The following IGSF11 variants were observed in gnomAD, a reference collection of about 807,000 sequenced individuals.
IGSF11 encodes CXADR like 1.
Under a neutral mutation model 41.0 loss-of-function variants are expected in IGSF11, and 22 were observed. The observed-to-expected ratio is 0.54, with a 90% CI of 0.38 to 0.77. The LOEUF is 0.77. IGSF11 is among the 30% of genes least tolerant of loss of function. The pLI is 0.00. For missense variants in IGSF11, 444 were observed against 530.8 expected (o/e 0.84, Z 1.61); for synonymous variants, 219 against 201.3 (o/e 1.09, Z -0.74).
chr3:119,075,656 T>G (rs1308187376), intron 1 of IGSF11, among the ~76,000 whole-genome samples: 7 of 152,212 alleles, frequency 4.6e-5, no homozygotes, highest in Non-Finnish European at 1.0e-4. Context: ...ATTCCTGGGA[T>G]GCAAGATTGG....
chr3:119,101,339 GT>G (rs905897639), intron 1 of IGSF11, among the ~76,000 whole-genome samples: 3 of 152,024 alleles, frequency 2.0e-5, no homozygotes, highest in African/African-American at 7.2e-5. Context: ...GAGAAACCCT[GT>G]CTCTACTAAA....
chr3:119,130,822 C>T (rs1035463770), intron 1 of IGSF11, among the ~76,000 whole-genome samples: 35 of 152,124 alleles, frequency 2.3e-4, no homozygotes, highest in African/African-American at 7.7e-4. Context: ...CCCTCTGGGA[C>T]GAAGCTTCCA....
intron 1 of IGSF11, among the ~76,000 whole-genome samples, chr3:118,951,846 T>C (rs1486407229): frequency 1.3e-5 from 2 of 152,166 alleles, no homozygotes; most frequent in African/African-American, 2.4e-5. Flanking sequence ...TTGTTTCTAT[T>C]TGTATGTTTT....
intron 1 of IGSF11, among the ~76,000 whole-genome samples, chr3:119,095,827 A>C (rs2076840540): frequency 6.6e-6 from 1 of 152,202 alleles, no homozygotes. Context: ...TCAAGGTTGC[A>C]TACTGCAAAC....
intron 1 of IGSF11, among the ~76,000 whole-genome samples, chr3:119,028,630 A>C (rs570598678): frequency 6.6e-5 from 10 of 152,200 alleles, no homozygotes; most frequent in Non-Finnish European, 1.0e-4. Flanking sequence ...ATTAAACATA[A>C]GCTAAAAATC....
chr3:118,943,215 A>G (rs990727121), intron 1 of IGSF11: 1 of 152,190 alleles, frequency 6.6e-6, no homozygotes, highest in Non-Finnish European at 1.5e-5. Context: ...TATAGAGGGG[A>G]GCCTCAATAA....
At position 119,094,568 on chromosome 3, in the gene IGSF11, G is replaced by A. The variant is rs1404941177; in HGVS notation, c.49+10576C>T. On this transcript the variant is annotated intron_variant, in intron 1 of 6. Coordinates refer to the IGSF11 transcript ENST00000354673. ...GGGTGGAACAAAGAGAGAAACTGCTGTGAGTGCAACCAAAATTGAAAAGAA... is the reference window on the plus strand; with the variant it reads ...GGGTGGAACAAAGAGAGAAACTGCTATGAGTGCAACCAAAATTGAAAAGAA... Among the ~76,000 whole-genome samples the A allele has an allele frequency of 2.0e-5, 3 of 152,104 alleles. No homozygotes were observed. The East Asian group carries it at 5.8e-4, about 29-fold the overall frequency.
At chr3:118,990,621 T>C (rs1488416602) in intron 1 of IGSF11, among the ~76,000 whole-genome samples, 1 of 152,244 alleles carries the variant, frequency 6.6e-6, no homozygotes, top group Non-Finnish European at 1.5e-5. Context: ...TAAAGAGTTA[T>C]AGCCAACACA....
chr3:118,902,330 C>T lies in IGSF11; in HGVS notation c.*190G>A. On this transcript the variant is annotated 3_prime_UTR_variant, in exon 7 of 7. Coordinates refer to ENST00000393775, the MANE Select transcript of IGSF11 (RefSeq NM_001015887.3). The stretch of plus-strand genomic sequence containing the variant: ...GGACATCTTTGGTGGGGAAGCAAGT[C>T]TTCATGATGGAGCATTTCAGTCCAT... 1.8e-6 allele frequency: 1 copy of T among 550,536 alleles called. No individual in the cohort carries two copies. Among genetic ancestry groups the T allele is most frequent in the Admixed American group, 3.2e-5 (1 of 31,304 alleles). The allele number at this position is 550,536 out of a possible 1,614,324, so 34.1% of individuals were successfully genotyped here. A position where few individuals can be genotyped will look rare whatever the true frequency, so the allele number is the denominator to read the frequency against.
chr3:118,906,948 G>A (rs2107472893), intron 4 of IGSF11, among the ~76,000 whole-genome samples: 1 of 152,220 alleles, frequency 6.6e-6, no homozygotes, highest in East Asian at 1.9e-4. Flanking sequence ...TGGATGAAGG[G>A]GCTGTCTCAC....
chr3:118,978,096 TTC>T (rs1433394778), intron 1 of IGSF11, among the ~76,000 whole-genome samples: 1 of 152,078 alleles, frequency 6.6e-6, no homozygotes, highest in Non-Finnish European at 1.5e-5. Flanking sequence ...CAACCAAGCT[TTC>T]TCTGATAGCA....
At chr3:119,083,536 A>AC (rs2107484517) in intron 1 of IGSF11, among the ~76,000 whole-genome samples, 4 of 46,024 alleles carry the variant, frequency 8.7e-5, no homozygotes, top group African/African-American at 3.4e-4. Flanking sequence ...ACACACACAC[A>AC]AACACACACA....
In IGSF11 at chr3:119,034,754, C is replaced by A; in HGVS notation, c.-172G>T. ...GTCAGACCCACAGACGAGCCAAGTGCAGCTGCAGCGCCGCCCGGCTCCGCG... is the reference window on the plus strand; with the variant it reads ...GTCAGACCCACAGACGAGCCAAGTGAAGCTGCAGCGCCGCCCGGCTCCGCG... On this transcript the variant is annotated 5_prime_UTR_variant, in exon 1 of 7. Coordinates refer to ENST00000393775, the MANE Select transcript of IGSF11 (RefSeq NM_001015887.3). 7.6e-7 allele frequency: 1 copy of A among 1,322,070 alleles called. No individual in the cohort carries two copies. The highest frequency in any genetic ancestry group is 9.7e-7 in the Non-Finnish European group (1 of 1,034,380). The allele number at this position is 1,322,070 out of a possible 1,614,324, so 81.9% of individuals were successfully genotyped here.
Position 118,902,403 on chromosome 3 carries a change from C to A in IGSF11, c.*117G>T. ...TAACAGCACTGCCTTCTTCTTTGTG[C>A]ATTTTACTAATATAATTATAAGGAA... On this transcript the variant is annotated 3_prime_UTR_variant, in exon 7 of 7. Coordinates refer to ENST00000393775, the MANE Select transcript of IGSF11 (RefSeq NM_001015887.3). 2 of 798,046 alleles carry A rather than the reference C, an allele frequency of 2.5e-6. No individual in the cohort carries two copies. The highest frequency in any genetic ancestry group is 4.0e-6 in the Non-Finnish European group (2 of 496,544). The allele number at this position is 798,046 out of a possible 1,614,324, so 49.4% of individuals were successfully genotyped here. A position where few individuals can be genotyped will look rare whatever the true frequency, so the allele number is the denominator to read the frequency against.
chr3:118,926,280 A>C, intron 3 of IGSF11, 24 bp from the exon 4 acceptor site: 1 of 1,546,498 alleles, frequency 6.5e-7, no homozygotes, highest in Non-Finnish European at 8.8e-7. Flanking sequence ...AATAAGCAAT[A>C]AAGTACACAT....
intron 1 of IGSF11, among the ~76,000 whole-genome samples, chr3:119,041,246 C>T (rs986574923): frequency 2.0e-5 from 3 of 152,114 alleles, no homozygotes; most frequent in Non-Finnish European, 2.9e-5. Context: ...TCCAGTGACA[C>T]TAATCAAAAT....
chr3:119,023,115 A>G (rs1939458724), intron 1 of IGSF11, among the ~76,000 whole-genome samples: 1 of 152,070 alleles, frequency 6.6e-6, no homozygotes, highest in African/African-American at 2.4e-5. Flanking sequence ...TACATAAATC[A>G]GCCAGGCGTT....
At chr3:119,137,898 G>A (rs1279158597) in intron 1 of IGSF11, among the ~76,000 whole-genome samples, 1 of 152,028 alleles carries the variant, frequency 6.6e-6, no homozygotes, top group East Asian at 1.9e-4. Context: ...ATGGGCAAAA[G>A]ATCCAAATAC....
At chr3:119,107,982 T>A (rs1424670460), upstream of IGSF11, among the ~76,000 whole-genome samples, 19 of 151,276 alleles carry the variant, frequency 1.3e-4, no homozygotes, top group Admixed American at 7.9e-4. Context: ...GCTGTTTTGG[T>A]TACTGTAGCC....
Sources: gnomAD v4.1 joint callset for allele counts (sites outside exome capture counted in the v4.1 genomes callset) on GRCh38, gnomAD v4.1.1 for gene constraint, MANE v1.5 for transcripts, NCBI Gene and HGNC (gene_info 2026-07-23, HGNC 2026-07-21) for gene names.